Variants in VPS26A observed in about 807,000 individuals in gnomAD.
VPS26A encodes the protein vacuolar protein sorting-associated protein 26A.
In VPS26A, 22 loss-of-function variants were observed where a neutral mutation model predicts 42.4. That is an observed-to-expected ratio of 0.52 (90% CI 0.37 to 0.74). The LOEUF (loss-of-function observed/expected upper bound fraction) is 0.74, where lower values mean the gene tolerates loss of function less well. Among genes scored for constraint, VPS26A ranks in the 30% least tolerant of loss-of-function variants. The pLI is 0.00. For synonymous variants in VPS26A, 110 were observed against 123.5 expected (o/e 0.89, Z 0.73); for missense variants, 276 against 379.2 (o/e 0.73, Z 2.26).
At chr10:69,154,002 G>A (rs1037773092) in intron 2 of VPS26A, among the ~76,000 whole-genome samples, 8 of 152,160 alleles carry the variant, frequency 5.3e-5, no homozygotes, top group Non-Finnish European at 1.2e-4. Flanking sequence ...CACATGCAGA[G>A]AAACACCCAT....
At chr10:69,137,842 CT>C (rs967439930) in intron 2 of VPS26A, among the ~76,000 whole-genome samples, 1 of 145,960 alleles carries the variant, frequency 6.9e-6, no homozygotes. Flanking sequence ...TAGGATTTTT[CT>C]TTTTTTAAGC....
chr10:69,160,813 C>T (rs1841544827), intron 5 of VPS26A, among the ~76,000 whole-genome samples: 1 of 152,126 alleles, frequency 6.6e-6, no homozygotes. Flanking sequence ...GCTAAAAAGT[C>T]CTCTGGATAT....
intron 2 of VPS26A, among the ~76,000 whole-genome samples, chr10:69,142,738 CAAA>C (rs35356640): frequency 6.3e-4 from 75 of 118,802 alleles, no homozygotes; most frequent in Admixed American, 4.5e-4. Flanking sequence ...CCCCACTATT[CAAA>C]AAAAAAAAAA....
In VPS26A at chr10:69,149,734, G is replaced by GTTTTTTTTTT. The variant is rs869048277; in HGVS notation, c.154-6057_154-6048dup. Among the ~76,000 whole-genome samples, 111 of 21,364 alleles carry GTTTTTTTTTT rather than the reference G, an allele frequency of 5.2e-3. 11 individuals carry two copies. The highest frequency in any genetic ancestry group is 8.7e-3 in the African/African-American group (95 of 10,970). 14.0% of individuals were successfully genotyped at this position (21,364 alleles called of 152,430 possible). A position where few individuals can be genotyped will look rare whatever the true frequency, so the allele number is the denominator to read the frequency against. On this transcript the variant is annotated intron_variant, in intron 2 of 8. Coordinates refer to ENST00000263559, the MANE Select transcript of VPS26A (RefSeq NM_004896.5). ...AATGTTAACTTTCTTGGTGTTTTTT[G>GTTTTTTTTTT]TTTTTTTTTTTTTTTTTTTTTTTTT...
chr10:69,160,522 G>A (rs1464769171), intron 5 of VPS26A, among the ~76,000 whole-genome samples: 3 of 150,748 alleles, frequency 2.0e-5, no homozygotes, highest in Non-Finnish European at 1.5e-5. Context: ...CATGATCTCG[G>A]CTCACTGCAA....
At chr10:69,163,038 T>G (rs907382215) in intron 6 of VPS26A, among the ~76,000 whole-genome samples, 1 of 152,256 alleles carries the variant, frequency 6.6e-6, no homozygotes, top group Admixed American at 6.5e-5. Flanking sequence ...TGGTGGTGTA[T>G]AATGCATACT....
chr10:69,158,014 A>AT (rs1160198165), intron 4 of VPS26A, 33 bp from the exon 5 acceptor site: 4 of 1,549,310 alleles, frequency 2.6e-6, no homozygotes, highest in Non-Finnish European at 3.5e-6. Flanking sequence ...ATCACAGGTG[A>AT]TTTAACTCAT....
rs998278979 is a variant in VPS26A at position 69,172,432 on chromosome 10, T to C, written c.*1163T>C. ...GTGTAGGAACCAAAATGAAACCTGC[T>C]GTATGGAAACTACTTTCACTTATGG... On this transcript the variant is annotated 3_prime_UTR_variant, in exon 9 of 9. Coordinates refer to ENST00000263559, the MANE Select transcript of VPS26A (RefSeq NM_004896.5). The C allele has an allele frequency of 1.3e-5, 2 of 152,490 alleles. No individual in the cohort carries two copies. Among genetic ancestry groups the C allele is most frequent in the African/African-American group, 2.4e-5 (1 of 41,474 alleles). 9.4% of individuals were successfully genotyped at this position (152,490 alleles called of 1,614,324 possible). A position where few individuals can be genotyped will look rare whatever the true frequency, so the allele number is the denominator to read the frequency against.
intron 1 of VPS26A, among the ~76,000 whole-genome samples, chr10:69,128,335 G>A (rs556674200): frequency 6.6e-6 from 1 of 150,624 alleles, no homozygotes; most frequent in African/African-American, 2.5e-5. Flanking sequence ...GGGTTCAAGC[G>A]ATTCTGCTGC....
chr10:69,155,881 C>A lies in VPS26A; in HGVS notation c.223C>A (p.Gln75Lys). ...HQGIRIEFVGQIELFNDKSNT... is the reference protein window; with the variant it reads ...HQGIRIEFVGKIELFNDKSNT... ...AGGAATTAGAATTGAATTTGTAGGT[C>A]AAATTGGTGAGTTTTAAAATAGTAT... The change falls in exon 3 of 9, where the codon CAA becomes AAA. Residue 75 changes from glutamine (Q) to lysine (K), a missense_variant. Gln to Lys is a moderately conservative substitution (Grantham distance 53, BLOSUM62 1). Transcript: ENST00000263559. 1 of 1,609,416 alleles carries A rather than the reference C, an allele frequency of 6.2e-7. No individual in the cohort carries two copies. The highest frequency in any genetic ancestry group is 1.1e-5 in the South Asian group (1 of 90,414).
Position 69,155,866 on chromosome 10 carries a change from A to G in VPS26A, c.208A>G (p.Ile70Val). The G allele has an allele frequency of 6.2e-7, 1 of 1,612,040 alleles. No homozygotes were observed. Among genetic ancestry groups the G allele is most frequent in the African/African-American group, 1.3e-5 (1 of 74,982 alleles). Residue 70 changes from isoleucine to valine, a missense_variant, in exon 3 of 9, where the codon ATT becomes GTT. By Grantham distance (29) the Ile-to-Val change is conservative. Transcript: ENST00000263559. ...GKRLEHQGIR[I>V]EFVGQIELFN... ...GAGGCTAGAACACCAAGGAATTAGA[A>G]TTGAATTTGTAGGTCAAATTGGTGA...
At chr10:69,159,969 T>C (rs1266091442) in intron 5 of VPS26A, among the ~76,000 whole-genome samples, 1 of 152,168 alleles carries the variant, frequency 6.6e-6, no homozygotes, top group Non-Finnish European at 1.5e-5. Flanking sequence ...CCCCAGTCTT[T>C]TGTTACATTA....
chr10:69,145,668 C>G (rs1266077242), intron 2 of VPS26A, among the ~76,000 whole-genome samples: 3 of 151,936 alleles, frequency 2.0e-5, no homozygotes, highest in African/African-American at 7.3e-5. Context: ...TTGTGTGAAC[C>G]TGTTCAGAAT....
At chr10:69,156,015 AAG>A (rs1273820564) in intron 3 of VPS26A, 128 bp downstream of exon 3, 102 of 676,570 alleles carry the variant, frequency 1.5e-4, no homozygotes, top group East Asian at 1.1e-3. Flanking sequence ...TGCATAATAA[AAG>A]AGAGGATTTA....
intron 2 of VPS26A, among the ~76,000 whole-genome samples, chr10:69,152,371 C>A (rs550706135): frequency 3.3e-5 from 5 of 152,150 alleles, no homozygotes; most frequent in Non-Finnish European, 7.3e-5. Context: ...GCTTTATTCA[C>A]GTAACACATC....
chr10:69,129,286 A>G (rs1228076179), intron 1 of VPS26A, among the ~76,000 whole-genome samples: 1 of 152,142 alleles, frequency 6.6e-6, no homozygotes, highest in Non-Finnish European at 1.5e-5. Context: ...CATGATTTTA[A>G]GCTGCTATAC....
intron 2 of VPS26A, among the ~76,000 whole-genome samples, chr10:69,142,181 C>G (rs1158010712): frequency 8.1e-6 from 1 of 123,980 alleles, no homozygotes; most frequent in Non-Finnish European, 1.6e-5. Flanking sequence ...CCATACCAGG[C>G]CTTTTTTTTT....
rs998471986 is a variant in VPS26A, at chr10:69,174,169, G to C, written c.*2900G>C. 6.6e-6 allele frequency among the ~76,000 whole-genome samples: 1 copy of C among 152,180 alleles called. No individual in the cohort carries two copies. The highest frequency in any genetic ancestry group is 2.4e-5 in the African/African-American group (1 of 41,446). On this transcript the variant is annotated 3_prime_UTR_variant, in exon 9 of 9. Transcript: ENST00000263559. ...TCTTGCTGCTGCTCACTCTGGGCCT[G>C]TGCCACATTTAAGAGCTGTAACACT...
rs1420991385 is a variant in VPS26A at position 69,171,319 on chromosome 10, A to AT, written c.*52dup. On this transcript the variant is annotated 3_prime_UTR_variant, in exon 9 of 9. Transcript: ENST00000263559. ...GCAAAAAACTCCTGTAACCCTTGAG[A>AT]TTAAGTTCAGCAGGTTAAAGATGGT... 1.9e-6 allele frequency: 3 copies of AT among 1,550,276 alleles called. No individual in the cohort carries two copies. The highest frequency in any genetic ancestry group is 2.8e-5 in the African/African-American group (2 of 72,364).
Sources: gnomAD v4.1 joint callset for allele counts (sites outside exome capture counted in the v4.1 genomes callset) on GRCh38, gnomAD v4.1.1 for gene constraint, MANE v1.5 for transcripts, NCBI Gene and HGNC (gene_info 2026-07-23, HGNC 2026-07-21) for gene names.